Variants in DCC observed in about 807,000 individuals in gnomAD.
The protein encoded by DCC is DCC netrin 1 receptor.
DCC carries 58 observed loss-of-function variants against 172.5 expected under a neutral mutation model. The ratio of observed to expected loss-of-function variants is 0.34; its 90% CI spans 0.27 to 0.42. DCC has a LOEUF of 0.42. DCC is among the 10% of genes least tolerant of loss of function. DCC has a pLI of 1.00. For missense variants in DCC, 1,740 were observed against 1,791.0 expected (o/e 0.97, Z 0.51); for synonymous variants, 709 against 644.5 (o/e 1.10, Z -1.52).
intron 1 of DCC, among the ~76,000 whole-genome samples, chr18:52,345,456 A>C (rs1279574294): frequency 2.6e-5 from 4 of 152,196 alleles, no homozygotes; most frequent in Non-Finnish European, 5.9e-5. Flanking sequence ...CACAACAGTT[A>C]TATCTTAAGG....
chr18:53,085,700 C>T (rs962436881), intron 7 of DCC, among the ~76,000 whole-genome samples: 1 of 151,630 alleles, frequency 6.6e-6, no homozygotes, highest in Non-Finnish European at 1.5e-5. Context: ...AAGCTAACTT[C>T]TCAGGTGGGA....
chr18:52,854,691 C>A (rs2039024901), intron 2 of DCC, among the ~76,000 whole-genome samples: 2 of 152,162 alleles, frequency 1.3e-5, no homozygotes, highest in Non-Finnish European at 2.9e-5. Flanking sequence ...AATAGAATCG[C>A]CTTGTAAGCA....
chr18:52,491,085 A>G (rs190413294), intron 1 of DCC, among the ~76,000 whole-genome samples: 7 of 152,226 alleles, frequency 4.6e-5, no homozygotes, highest in Admixed American at 3.9e-4. Context: ...GCCTTCCATC[A>G]AAGGCTTTCA....
intron 12 of DCC, among the ~76,000 whole-genome samples, chr18:53,259,200 G>A (rs1258631861): frequency 6.6e-6 from 1 of 152,024 alleles, no homozygotes; most frequent in Non-Finnish European, 1.5e-5. Flanking sequence ...GGAGCATTTA[G>A]CCCATTTACA....
chr18:52,388,924 T>C (rs1043569303), intron 1 of DCC, among the ~76,000 whole-genome samples: 4 of 152,176 alleles, frequency 2.6e-5, no homozygotes, highest in African/African-American at 7.2e-5. Context: ...CAGTGGACAC[T>C]TGGTAAGACC....
At chr18:52,746,366 C>T (rs917377970) in intron 1 of DCC, among the ~76,000 whole-genome samples, 4 of 152,180 alleles carry the variant, frequency 2.6e-5, no homozygotes, top group African/African-American at 9.7e-5. Context: ...TTTCTAATCT[C>T]AAAATCTTGT....
At chr18:53,317,632 T>C (rs1363198860) in intron 13 of DCC, among the ~76,000 whole-genome samples, 2 of 152,174 alleles carry the variant, frequency 1.3e-5, no homozygotes, top group Admixed American at 6.5e-5. Context: ...GTTGGTAGGC[T>C]ATTTCTGCAT....
At chr18:53,058,499 A>G (rs1468063961) in intron 5 of DCC, among the ~76,000 whole-genome samples, 2 of 152,008 alleles carry the variant, frequency 1.3e-5, no homozygotes, top group Non-Finnish European at 2.9e-5. Context: ...AGAATATAGG[A>G]CTCCAGAGCT....
intron 25 of DCC, among the ~76,000 whole-genome samples, chr18:53,480,647 G>A (rs548542640): frequency 1.2e-4 from 18 of 151,978 alleles, no homozygotes; most frequent in African/African-American, 4.1e-4. Context: ...AACATTTATG[G>A]GGTGCTGACT....
intron 24 of DCC, among the ~76,000 whole-genome samples, chr18:53,460,768 C>A (rs36197020): frequency 6.6e-6 from 1 of 151,934 alleles, no homozygotes; most frequent in African/African-American, 2.4e-5. Context: ...TATAGCAGCA[C>A]GATTTATAGT....
intron 7 of DCC, among the ~76,000 whole-genome samples, chr18:53,109,102 A>G (rs1167123711): frequency 1.3e-5 from 2 of 151,426 alleles, no homozygotes; most frequent in Non-Finnish European, 3.0e-5. Flanking sequence ...ATGGGCAGGT[A>G]TAGAATCTCA....
At chr18:53,124,713 C>T (rs2043530157) in intron 7 of DCC, among the ~76,000 whole-genome samples, 1 of 152,038 alleles carries the variant, frequency 6.6e-6, no homozygotes, top group Admixed American at 6.6e-5. Flanking sequence ...TTCCTGTAAT[C>T]CCAGCACTTT....
chr18:53,410,627 C>T lies in DCC; in HGVS notation c.3111C>T (p.Ile1037=). ...GAGTGGGGCCACTCTCTGATCCTATCCTCTTCAGGACTCTGAAAGGTTTGA... is the reference window on the plus strand; with the variant it reads ...GAGTGGGGCCACTCTCTGATCCTATTCTCTTCAGGACTCTGAAAGGTTTGA... The part of the protein sequence containing the change: ...SKGVGPLSDP[I]LFRTLKVEHP... Residue 1037 remains isoleucine, a synonymous_variant, in exon 20 of 29, where the codon ATC becomes ATT. Transcript: ENST00000442544. 2.5e-6 allele frequency: 4 copies of T among 1,596,144 alleles called. No individual in the cohort carries two copies. Among genetic ancestry groups the T allele is most frequent in the Non-Finnish European group, 3.4e-6 (4 of 1,163,340 alleles).
intron 1 of DCC, among the ~76,000 whole-genome samples, chr18:52,530,757 C>T (rs2032126085): frequency 1.3e-5 from 2 of 152,148 alleles, no homozygotes; most frequent in Admixed American, 1.3e-4. Context: ...GAACACTGTG[C>T]TAGGTAATGG....
chr18:52,506,078 A>G (rs1020211953), intron 1 of DCC, among the ~76,000 whole-genome samples: 1 of 152,156 alleles, frequency 6.6e-6, no homozygotes, highest in Non-Finnish European at 1.5e-5. Flanking sequence ...TATATTACCT[A>G]TGCCATGCCA....
intron 1 of DCC, among the ~76,000 whole-genome samples, chr18:52,363,879 G>C (rs1228627887): frequency 6.6e-6 from 1 of 152,070 alleles, no homozygotes; most frequent in African/African-American, 2.4e-5. Context: ...TTTTTTCTTA[G>C]TGACTTTGGA....
At chr18:52,397,804 G>A (rs1986287862) in intron 1 of DCC, among the ~76,000 whole-genome samples, 1 of 151,916 alleles carries the variant, frequency 6.6e-6, no homozygotes, top group South Asian at 2.1e-4. Flanking sequence ...TTCCAATTAA[G>A]CCTCTCCATC....
chr18:53,363,314 C>T (rs1337700715), intron 15 of DCC, among the ~76,000 whole-genome samples: 1 of 152,128 alleles, frequency 6.6e-6, no homozygotes. Context: ...TGGCATTTAG[C>T]ATCTGAAAAA....
At chr18:53,467,714 A>G (rs2045638787) in intron 24 of DCC, among the ~76,000 whole-genome samples, 180 bp from the exon 25 acceptor site, 1 of 152,228 alleles carries the variant, frequency 6.6e-6, no homozygotes, top group African/African-American at 2.4e-5. Context: ...CAATGAGTTT[A>G]GAGTTTATGG....
Sources: allele counts gnomAD v4.1 joint callset (sites outside exome capture counted in the v4.1 genomes callset), GRCh38; gene constraint gnomAD v4.1.1; transcripts MANE v1.5; gene names NCBI Gene and HGNC (gene_info 2026-07-23, HGNC 2026-07-21).